Variants in TEX36 observed in about 807,000 individuals in gnomAD.
TEX36 encodes the protein testis expressed 36, also known as testis-expressed protein 36.
TEX36 carries 12 observed loss-of-function variants against 13.6 expected under a neutral mutation model. The observed-to-expected ratio is 0.88, with a 90% CI of 0.56 to 1.43. TEX36 has a LOEUF of 1.43. Ranked by LOEUF, TEX36 falls within the 40% of genes most tolerant of loss-of-function variation. The probability of loss-of-function intolerance (pLI) is 0.00; values close to 1 mark genes in which losing one functional copy is unlikely to be tolerated. For synonymous variants in TEX36, 93 were observed against 83.0 expected, an observed-to-expected ratio of 1.12 and a Z score of -0.65; for missense variants, 224 against 228.3, an observed-to-expected ratio of 0.98 and a Z score of 0.12.
At chr10:125,620,342 TC>T (rs1846414569), downstream of TEX36, among the ~76,000 whole-genome samples, 1 of 152,252 alleles carries the variant, frequency 6.6e-6, no homozygotes, top group African/African-American at 2.4e-5. Context: ...AATGGCCTTT[TC>T]TTTGATTACT....
At chr10:125,643,017 G>A (rs539265229) in intron 3 of TEX36, among the ~76,000 whole-genome samples, 2 of 152,330 alleles carry the variant, frequency 1.3e-5, no homozygotes, top group Admixed American at 6.5e-5. Context: ...TGGCATGGAG[G>A]CAGTGAATTT....
chr10:125,590,571 C>T (rs1200189188), intron 3 of TEX36, among the ~76,000 whole-genome samples: 4 of 152,128 alleles, frequency 2.6e-5, no homozygotes, highest in African/African-American at 9.7e-5. Context: ...ATTATTATTA[C>T]TATTATTACT....
chr10:125,651,465 C>T (rs990235793), downstream of TEX36, among the ~76,000 whole-genome samples: 2 of 152,138 alleles, frequency 1.3e-5, no homozygotes, highest in African/African-American at 4.8e-5. Flanking sequence ...GCTAAAAATG[C>T]TCAATAAACT....
At chr10:125,648,953 G>A (rs1046039242) in intron 3 of TEX36, among the ~76,000 whole-genome samples, 4 of 152,088 alleles carry the variant, frequency 2.6e-5, no homozygotes, top group African/African-American at 9.7e-5. Flanking sequence ...TAGAAGTTTA[G>A]AGAAAAAAGA....
rs557281017 is a variant in TEX36 at position 125,639,404 on chromosome 10, T to C, written c.265-17759A>G. 8.3e-4 allele frequency among the ~76,000 whole-genome samples: 126 copies of C among 152,278 alleles called. 1 individual carries two copies. Among genetic ancestry groups the C allele is most frequent in the East Asian group, 2.5e-3 (13 of 5,190 alleles). On this transcript the variant is annotated intron_variant, in intron 3 of 3. Transcript: ENST00000526819. ...TATGCTGGATGCACTACAGGCAGCA[T>C]TGGGGTCTGTTACCACTCATGCTTG...
chr10:125,670,935 G>T (rs1468578716), intron 1 of TEX36, among the ~76,000 whole-genome samples: 1 of 151,872 alleles, frequency 6.6e-6, no homozygotes, highest in African/African-American at 2.4e-5. Context: ...TGTTCCATTG[G>T]TCTATGTGTC....
chr10:125,602,820 G>A, intron 3 of TEX36, among the ~76,000 whole-genome samples: 1 of 152,044 alleles, frequency 6.6e-6, no homozygotes, highest in East Asian at 1.9e-4. Flanking sequence ...TCTTTTTTAG[G>A]AATTAACATT....
At chr10:125,640,006 A>C (rs1434861671) in intron 3 of TEX36, 1 of 247,674 alleles carries the variant, frequency 4.0e-6, no homozygotes, top group Non-Finnish European at 6.4e-6. Flanking sequence ...GGCCAAAGGA[A>C]TTACAACCAT....
intron 3 of TEX36, among the ~76,000 whole-genome samples, chr10:125,650,312 G>A (rs1446422423): frequency 6.6e-6 from 1 of 152,182 alleles, no homozygotes. Context: ...AGACCACAGT[G>A]CAATCAAACT....
In TEX36 at chr10:125,661,910, T is replaced by G. The variant is rs891379798; in HGVS notation, c.119A>C (p.Gln40Pro). 15 of 1,552,212 alleles carry G rather than the reference T, an allele frequency of 9.7e-6. No homozygotes were observed. Among genetic ancestry groups the G allele is most frequent in the African/African-American group, 8.2e-5 (6 of 73,054 alleles). Residue 40 changes from glutamine to proline, a missense_variant, in exon 2 of 4, where the codon CAG becomes CCG. Coordinates refer to ENST00000368821, the MANE Select transcript of TEX36 (RefSeq NM_001128202.3). Reference protein sequence around the residue: ...SITSATSKEPQSPHLPRQAEG... With the variant: ...SITSATSKEPPSPHLPRQAEG... ...CGCTTGCCGAGGCAAGTGTGGACTC[T>G]GGGGCTCTTTTGACGTAGCACTGGT...
At chr10:125,579,680 T>C (rs932412028) in intron 3 of TEX36, among the ~76,000 whole-genome samples, 6 of 152,154 alleles carry the variant, frequency 3.9e-5, no homozygotes, top group Non-Finnish European at 8.8e-5. Flanking sequence ...ATTTCCTCCT[T>C]GCTTTTCTCA....
intron 3 of TEX36, among the ~76,000 whole-genome samples, chr10:125,596,736 C>T (rs1414942971): frequency 6.6e-6 from 1 of 152,148 alleles, no homozygotes; most frequent in Non-Finnish European, 1.5e-5. Flanking sequence ...AGCATTCAAC[C>T]ACCTGCATGA....
At position 125,605,094 on chromosome 10, in the gene TEX36, T is replaced by C. The variant is rs558392334; in HGVS notation, c.265-28220A>G. On this transcript the variant is annotated intron_variant, in intron 3 of 3. Coordinates refer to the TEX36 transcript ENST00000532135. ...AAACTGGTCCCTGGTGCCCAAAAGG[T>C]TGGGGATGGCTGCTCTCTGGTACAG... Among the ~76,000 whole-genome samples the C allele has an allele frequency of 1.2e-4, 19 of 152,168 alleles. 1 individual carries two copies. In the South Asian group the frequency reaches 2.1e-3, roughly 17 times the overall value.
At chr10:125,594,421 T>C (rs1427874368) in intron 3 of TEX36, among the ~76,000 whole-genome samples, 1 of 152,188 alleles carries the variant, frequency 6.6e-6, no homozygotes, top group East Asian at 1.9e-4. Context: ...TGATGAAAAG[T>C]GTATGCTTGA....
downstream of TEX36, among the ~76,000 whole-genome samples, chr10:125,618,118 A>G (rs1246842203): frequency 2.0e-5 from 3 of 151,622 alleles, no homozygotes; most frequent in African/African-American, 2.4e-5. Context: ...TAGTTCTCGA[A>G]CCTTGGTTTT....
chr10:125,646,300 TG>T (rs1466197676), intron 3 of TEX36, among the ~76,000 whole-genome samples: 1 of 152,186 alleles, frequency 6.6e-6, no homozygotes, highest in Non-Finnish European at 1.5e-5. Context: ...CACACCAGCC[TG>T]GGCAACAGAG....
At chr10:125,672,931 A>G (rs1322083982) in intron 1 of TEX36, among the ~76,000 whole-genome samples, 1 of 152,150 alleles carries the variant, frequency 6.6e-6, no homozygotes, top group Non-Finnish European at 1.5e-5. Flanking sequence ...TGTTTTGTCC[A>G]GAAACTAGGC....
chr10:125,618,287 C>A (rs1440423130), downstream of TEX36, among the ~76,000 whole-genome samples: 16 of 152,146 alleles, frequency 1.1e-4, no homozygotes, highest in African/African-American at 3.9e-4. Context: ...TCTCTCAGCT[C>A]ATCAAAGTCA....
intron 1 of TEX36, among the ~76,000 whole-genome samples, chr10:125,670,992 G>A (rs1055142119): frequency 6.6e-6 from 1 of 152,196 alleles, no homozygotes; most frequent in South Asian, 2.1e-4. Flanking sequence ...TAGCTTTGTA[G>A]TATAGTTTGA....
Sources: allele counts gnomAD v4.1 joint callset (sites outside exome capture counted in the v4.1 genomes callset), GRCh38; gene constraint gnomAD v4.1.1; transcripts MANE v1.5; gene names NCBI Gene and HGNC (gene_info 2026-07-23, HGNC 2026-07-21).